RIN3: variants seen among roughly 807,000 people sequenced by gnomAD.
RIN3 encodes Ras and Rab interactor 3, also known as RAB5 interacting protein 3.
RIN3 carries 54 observed loss-of-function variants against 76.3 expected under a neutral mutation model. The ratio of observed to expected loss-of-function variants is 0.71; its 90% CI spans 0.57 to 0.89. The LOEUF (loss-of-function observed/expected upper bound fraction) is 0.89, where lower values mean the gene tolerates loss of function less well. RIN3 is among the 40% of genes least tolerant of loss of function. The pLI is 0.00. For missense variants in RIN3, 1,256 were observed against 1,322.1 expected, an observed-to-expected ratio of 0.95 and a Z score of 0.78; for synonymous variants, 576 against 564.0, an observed-to-expected ratio of 1.02 and a Z score of -0.30.
chr14:92,660,438 G>C (rs73332216), intron 7 of RIN3, among the ~76,000 whole-genome samples: 2,029 of 152,298 alleles, frequency 0.013, 53 homozygotes, highest in African/African-American at 0.046. Flanking sequence ...TTGGTTGGCT[G>C]TTGGCTGGTC....
intron 7 of RIN3, among the ~76,000 whole-genome samples, chr14:92,660,191 T>G (rs1363032343): frequency 6.6e-6 from 1 of 152,216 alleles, no homozygotes; most frequent in Non-Finnish European, 1.5e-5. Flanking sequence ...GACGTGTAAG[T>G]CCATGGGGCA....
intron 1 of RIN3, among the ~76,000 whole-genome samples, chr14:92,550,673 C>T (rs1897400220): frequency 6.6e-6 from 1 of 152,190 alleles, no homozygotes; most frequent in Non-Finnish European, 1.5e-5. Context: ...CCTGCCTTAG[C>T]CTTAATCCCA....
intron 4 of RIN3, among the ~76,000 whole-genome samples, chr14:92,631,270 C>T (rs1453115941): frequency 2.0e-5 from 3 of 152,200 alleles, no homozygotes; most frequent in East Asian, 3.9e-4. Flanking sequence ...TTCCCCATGA[C>T]AGCATGGCAG....
In RIN3 at chr14:92,653,040, T is replaced by G; in HGVS notation, c.1991T>G (p.Leu664Arg). Reference protein sequence around the residue: ...YLLQSTELKALVDPALHSEEE... With the variant: ...YLLQSTELKARVDPALHSEEE... ...CTGCAGAGCACCGAGCTCAAGGCCC[T>G]GGTGGACCCCGCCCTGCACTCCGAG... The change falls in exon 6 of 10, where the codon CTG becomes CGG. Residue 664 changes from leucine to arginine, a missense_variant. By Grantham distance (102) the Leu-to-Arg change is moderately radical (BLOSUM62 -2). This residue lies in a region of RIN3 where 428 missense variants were observed against 521.2 expected (regional missense o/e 0.82). Coordinates refer to ENST00000216487, the MANE Select transcript of RIN3 (RefSeq NM_024832.5). 6.2e-7 allele frequency: 1 copy of G among 1,608,534 alleles called. No homozygotes were observed.
intron 1 of RIN3, among the ~76,000 whole-genome samples, chr14:92,526,141 G>A (rs8017272): frequency 0.06 from 9,097 of 152,174 alleles, 927 homozygotes; most frequent in African/African-American, 0.21. Context: ...CTATAGGCAG[G>A]AATTTTTACC....
intron 3 of RIN3, among the ~76,000 whole-genome samples, chr14:92,608,265 G>A (rs1371559044): frequency 5.3e-5 from 8 of 152,178 alleles, no homozygotes; most frequent in Non-Finnish European, 1.2e-4. Flanking sequence ...GTTACCACTG[G>A]GGGGAACTGG....
rs147619345 is a variant in RIN3 at position 92,570,273 on chromosome 14, G to T, written c.250-7087G>T. ...TGCTCTGCCTTTCTTTCCACGTCCT[G>T]CTCAGCAGGAAGGCCCTGGGGGCAC... On this transcript the variant is annotated intron_variant, in intron 2 of 9. Transcript: ENST00000216487. Among the ~76,000 whole-genome samples the T allele has an allele frequency of 7.6e-4, 116 of 152,284 alleles. 1 individual carries two copies. In the East Asian group the frequency reaches 0.021, roughly 27 times the overall value.
At chr14:92,547,203 T>C (rs1595405009) in intron 1 of RIN3, among the ~76,000 whole-genome samples, 2 of 68,846 alleles carry the variant, frequency 2.9e-5, no homozygotes, top group East Asian at 5.7e-4. Flanking sequence ...ATAAATTATC[T>C]TTATTTTATT....
In RIN3 at chr14:92,648,142, T is replaced by G. The variant is rs1887271473; in HGVS notation, c.533-3440T>G. ...GCCCTGCAATGCCACTGTGGTTCCC[T>G]AACAGGTCCCAAGACCCCAGGATGC... On this transcript the variant is annotated intron_variant, in intron 5 of 9. Transcript: ENST00000216487. This position sits in a 1 kb window ranked among gnomAD's most constrained non-coding sequence, Gnocchi z 4.1. Among the ~76,000 whole-genome samples the G allele has an allele frequency of 6.8e-6, 1 of 147,116 alleles. No individual in the cohort carries two copies. The highest frequency in any genetic ancestry group is 1.5e-5 in the Non-Finnish European group (1 of 67,272).
chr14:92,670,328 G>A (rs1888247115), intron 7 of RIN3, among the ~76,000 whole-genome samples: 1 of 152,222 alleles, frequency 6.6e-6, no homozygotes, highest in African/African-American at 2.4e-5. Context: ...ACCAGGAAGT[G>A]GAGGCTGCCG....
intron 1 of RIN3, among the ~76,000 whole-genome samples, chr14:92,532,047 G>A (rs964823173): frequency 1.3e-5 from 2 of 151,910 alleles, no homozygotes; most frequent in Non-Finnish European, 2.9e-5. Context: ...TCCTGCCTCG[G>A]CCTCCTGAGT....
In RIN3 at chr14:92,662,326, C is replaced by G. The variant is rs185522083; in HGVS notation, c.2335+2857C>G. 3.2e-3 allele frequency among the ~76,000 whole-genome samples: 493 copies of G among 152,284 alleles called. 4 individuals are homozygous for G. The highest frequency in any genetic ancestry group is 0.011 in the African/African-American group (463 of 41,552). On this transcript the variant is annotated intron_variant, in intron 7 of 9. Coordinates refer to ENST00000216487, the MANE Select transcript of RIN3 (RefSeq NM_024832.5). Reference sequence around the variant, plus strand: ...TCAAGGCAGAAAGGAGACAGAGCCCCGGGGGACCCTTTGCTGGGAACAGCC... The same window carrying G: ...TCAAGGCAGAAAGGAGACAGAGCCCGGGGGGACCCTTTGCTGGGAACAGCC...
intron 3 of RIN3, among the ~76,000 whole-genome samples, chr14:92,604,609 A>C (rs921850997): frequency 2.6e-5 from 4 of 151,954 alleles, no homozygotes; most frequent in African/African-American, 9.7e-5. Flanking sequence ...CCCGATAACA[A>C]TTTCCTCCTG....
chr14:92,537,140 T>G (rs1897019433), intron 1 of RIN3, among the ~76,000 whole-genome samples: 1 of 152,178 alleles, frequency 6.6e-6, no homozygotes, highest in Non-Finnish European at 1.5e-5. Flanking sequence ...CAAATACAAA[T>G]AATTATTCTT....
At chr14:92,521,385 C>T (rs1896593232) in intron 1 of RIN3, among the ~76,000 whole-genome samples, 1 of 152,154 alleles carries the variant, frequency 6.6e-6, no homozygotes. Context: ...GGATGTTTGT[C>T]CCCTCCAAAT....
chr14:92,525,541 C>A (rs541084518), intron 1 of RIN3, among the ~76,000 whole-genome samples: 7 of 152,048 alleles, frequency 4.6e-5, no homozygotes, highest in Non-Finnish European at 7.4e-5. Context: ...GTGCCCAGGA[C>A]AGAGGGCCTC....
At chr14:92,531,096 A>C (rs1457184644) in intron 1 of RIN3, among the ~76,000 whole-genome samples, 1 of 152,036 alleles carries the variant, frequency 6.6e-6, no homozygotes, top group African/African-American at 2.4e-5. Context: ...CCCAAAGTAA[A>C]TTCACCAGTG....
chr14:92,626,746 T>C (rs376390496), intron 4 of RIN3, among the ~76,000 whole-genome samples: 2 of 151,426 alleles, frequency 1.3e-5, no homozygotes, highest in Non-Finnish European at 1.5e-5. Context: ...ACAGGTCAAG[T>C]TGGGGGGAAT....
chr14:92,546,332 G>C (rs529326399), intron 1 of RIN3, among the ~76,000 whole-genome samples: 308 of 152,276 alleles, frequency 2.0e-3, no homozygotes, highest in Non-Finnish European at 2.8e-3. Flanking sequence ...GGGGGATTGG[G>C]ATATCCATCA....
Sources: gnomAD v4.1 joint callset for allele counts (sites outside exome capture counted in the v4.1 genomes callset) on GRCh38, gnomAD v4.1.1 for gene constraint, gnomAD v4.1.1 regional missense constraint, Gnocchi (gnomAD v3.1) non-coding constraint, MANE v1.5 for transcripts, NCBI Gene and HGNC (gene_info 2026-07-23, HGNC 2026-07-21) for gene names.